The following MOB3B variants were observed in gnomAD, a reference collection of about 807,000 sequenced individuals.
The protein encoded by MOB3B is MOB kinase activator 3B.
A neutral mutation model predicts 18.7 loss-of-function variants in MOB3B; 7 were observed. The ratio of observed to expected loss-of-function variants is 0.37; its 90% confidence interval spans 0.21 to 0.70. MOB3B has a LOEUF of 0.70. MOB3B is among the 30% of genes least tolerant of loss of function. MOB3B has a pLI of 0.52. For missense variants in MOB3B, 253 were observed against 281.3 expected (o/e 0.90, Z 0.72); for synonymous variants, 111 against 99.9 (o/e 1.11, Z -0.66).
chr9:27,455,852 C>A, intron 1 of MOB3B, 104 bp from the exon 2 acceptor site: 1 of 1,199,928 alleles, frequency 8.3e-7, no homozygotes. Context: ...TGTGCCCACT[C>A]TCCATCCAGG....
chr9:27,326,172 GT>G lies in MOB3B; in HGVS notation c.*4414del. On this transcript the variant is annotated 3_prime_UTR_variant, in exon 4 of 4. Coordinates refer to ENST00000262244, the MANE Select transcript of MOB3B (RefSeq NM_024761.5). ...ATAGTTTGGAGAAGGCATGAAATAA[GT>G]TCTTTTCATGTTCACTGCTGGTCAC... 3.3e-6 allele frequency: 1 copy of G among 304,384 alleles called. No homozygotes were observed. The highest frequency in any genetic ancestry group is 6.0e-6 in the Non-Finnish European group (1 of 167,746). The allele number at this position is 304,384 out of a possible 1,614,324, so 18.9% of individuals were successfully genotyped here.
At chr9:27,475,277 T>A (rs915551586) in intron 1 of MOB3B, among the ~76,000 whole-genome samples, 1 of 152,226 alleles carries the variant, frequency 6.6e-6, no homozygotes. Context: ...CAGTCAAACC[T>A]TGATACAGCT....
At chr9:27,394,456 G>A (rs1821771696) in intron 2 of MOB3B, among the ~76,000 whole-genome samples, 1 of 152,070 alleles carries the variant, frequency 6.6e-6, no homozygotes, top group African/African-American at 2.4e-5. Flanking sequence ...AAAAGCAGAG[G>A]CCTAGAGTTC....
chr9:27,359,375 GT>G, intron 2 of MOB3B, 139 bp from the exon 3 acceptor site: 21 of 514,252 alleles, frequency 4.1e-5, no homozygotes, highest in South Asian at 4.3e-5. Flanking sequence ...GAGTGTGTGT[GT>G]GTGGGGGGGG....
At position 27,449,572 on chromosome 9, in the gene MOB3B, G is replaced by C. The variant is rs1452597685; in HGVS notation, c.418+5561C>G. ...AAGCCCAAGTCTATCTACAAGTCCA[G>C]TACTAATTCCAACATACTGTAAATA... On this transcript the variant is annotated intron_variant, in intron 2 of 3. Coordinates refer to ENST00000262244, the MANE Select transcript of MOB3B (RefSeq NM_024761.5). 2.0e-5 allele frequency among the ~76,000 whole-genome samples: 3 copies of C among 152,194 alleles called. No individual in the cohort carries two copies. In the South Asian group the frequency reaches 6.2e-4, roughly 31 times the overall value.
intron 2 of MOB3B, among the ~76,000 whole-genome samples, chr9:27,389,387 G>A (rs1043054518): frequency 9.7e-6 from 1 of 103,118 alleles, no homozygotes; most frequent in Non-Finnish European, 1.9e-5. Flanking sequence ...TTCTGATTAC[G>A]CTGCAGCCAA....
chr9:27,396,037 G>A (rs529769103), intron 2 of MOB3B, among the ~76,000 whole-genome samples: 20 of 152,228 alleles, frequency 1.3e-4, no homozygotes, highest in Middle Eastern at 3.4e-3. Flanking sequence ...TGAGCACAAG[G>A]TGCCTGGCCA....
At chr9:27,425,063 A>G (rs191722678) in intron 2 of MOB3B, among the ~76,000 whole-genome samples, 2 of 152,302 alleles carry the variant, frequency 1.3e-5, no homozygotes, top group Admixed American at 1.3e-4. Context: ...TTTTTGTTAC[A>G]GGAAAATCCT....
intron 1 of MOB3B, among the ~76,000 whole-genome samples, chr9:27,485,874 C>A (rs906628253): frequency 2.0e-5 from 3 of 152,178 alleles, no homozygotes; most frequent in African/African-American, 7.2e-5. Flanking sequence ...TATTGCTAAC[C>A]ACATAAGTGC....
chr9:27,515,925 T>C (rs1486161155), intron 1 of MOB3B, among the ~76,000 whole-genome samples: 2 of 152,168 alleles, frequency 1.3e-5, no homozygotes, highest in Admixed American at 1.3e-4. Context: ...GTAATCAAAT[T>C]AAGAAGATGT....
intron 2 of MOB3B, among the ~76,000 whole-genome samples, chr9:27,401,241 C>T (rs1417881268): frequency 6.6e-6 from 1 of 152,246 alleles, no homozygotes; most frequent in Admixed American, 6.5e-5. Context: ...ACTCCCTCCT[C>T]ATTTGACACA....
intron 2 of MOB3B, among the ~76,000 whole-genome samples, chr9:27,440,095 G>A (rs1822570435): frequency 6.6e-6 from 1 of 152,220 alleles, no homozygotes; most frequent in Non-Finnish European, 1.5e-5. Context: ...CAAGGCAGGT[G>A]TAAGATTGGT....
chr9:27,505,635 G>T (rs1477152824), intron 1 of MOB3B, among the ~76,000 whole-genome samples: 1 of 152,220 alleles, frequency 6.6e-6, no homozygotes, highest in African/African-American at 2.4e-5. Flanking sequence ...AAACAGTTCT[G>T]CATGAAGTCC....
At chr9:27,453,691 A>C (rs542061036) in intron 2 of MOB3B, among the ~76,000 whole-genome samples, 1 of 152,272 alleles carries the variant, frequency 6.6e-6, no homozygotes, top group East Asian at 1.9e-4. Context: ...ACAGGTGAAG[A>C]CACAGGGGGA....
At chr9:27,437,589 G>A (rs1420057078) in intron 2 of MOB3B, among the ~76,000 whole-genome samples, 3 of 152,100 alleles carry the variant, frequency 2.0e-5, no homozygotes, top group East Asian at 1.9e-4. Flanking sequence ...TCCAAAAAGG[G>A]AACAGCTGAT....
At chr9:27,449,004 C>T (rs1015869454) in intron 2 of MOB3B, among the ~76,000 whole-genome samples, 1 of 152,218 alleles carries the variant, frequency 6.6e-6, no homozygotes, top group African/African-American at 2.4e-5. Context: ...TTCCTACCCT[C>T]TGCTGAGGTT....
At chr9:27,355,488 G>T (rs1036352171) in intron 3 of MOB3B, among the ~76,000 whole-genome samples, 19 of 152,094 alleles carry the variant, frequency 1.2e-4, no homozygotes, top group African/African-American at 4.6e-4. Context: ...GTCAAAAATG[G>T]GTGACATTTA....
At chr9:27,401,225 G>A (rs1821873182) in intron 2 of MOB3B, among the ~76,000 whole-genome samples, 1 of 152,194 alleles carries the variant, frequency 6.6e-6, no homozygotes, top group Non-Finnish European at 1.5e-5. Flanking sequence ...CATTCTGTGA[G>A]ACTTCACTCC....
At chr9:27,440,325 G>C (rs1822573786) in intron 2 of MOB3B, among the ~76,000 whole-genome samples, 1 of 152,026 alleles carries the variant, frequency 6.6e-6, no homozygotes. Context: ...TAGATGGAAA[G>C]AGCAGAGTCA....
Sources: allele counts gnomAD v4.1 joint callset (sites outside exome capture counted in the v4.1 genomes callset), GRCh38; gene constraint gnomAD v4.1.1; transcripts MANE v1.5; gene names NCBI Gene and HGNC (gene_info 2026-07-23, HGNC 2026-07-21).